Variants in TTC6 observed in about 807,000 individuals in gnomAD.
TTC6 encodes the protein tetratricopeptide repeat protein 6.
A neutral mutation model predicts 210.4 loss-of-function variants in TTC6; 172 were observed. The ratio of observed to expected loss-of-function variants is 0.82; its 90% CI spans 0.72 to 0.93. The LOEUF (loss-of-function observed/expected upper bound fraction) is 0.93, where lower values mean the gene tolerates loss of function less well. TTC6 is among the 40% of genes least tolerant of loss of function. The pLI is 0.00. For missense variants in TTC6, 2,414 were observed against 2,318.1 expected, an observed-to-expected ratio of 1.04 and a Z score of -0.85; for synonymous variants, 804 against 819.6, an observed-to-expected ratio of 0.98 and a Z score of 0.32.
intron 15 of TTC6, 34 bp downstream of exon 17, chr14:37,787,671 C>G: frequency 2.9e-6 from 4 of 1,388,902 alleles, no homozygotes; most frequent in Non-Finnish European, 3.8e-6. Context: ...ATATAGCAAC[C>G]CAATCTGAGA....
intron 1 of TTC6, among the ~76,000 whole-genome samples, chr14:37,633,084 G>A (rs1175759993): frequency 1.3e-5 from 2 of 152,164 alleles, no homozygotes; most frequent in Non-Finnish European, 2.9e-5. Flanking sequence ...TCCACTGAGC[G>A]AGACCACTTG....
At chr14:37,830,764 A>G (rs1049209278) in intron 29 of TTC6, among the ~76,000 whole-genome samples, 1 of 151,344 alleles carries the variant, frequency 6.6e-6, no homozygotes, top group South Asian at 2.1e-4. Context: ...TTTTAAATGA[A>G]TTTTTTTCAA....
chr14:37,689,455 C>A (rs1048603783), intron 3 of TTC6, among the ~76,000 whole-genome samples: 1 of 151,994 alleles, frequency 6.6e-6, no homozygotes, highest in Non-Finnish European at 1.5e-5. Flanking sequence ...ATATCACTAT[C>A]CAAGTACAAG....
chr14:37,601,165 C>T (rs1224554160), intron 1 of TTC6, among the ~76,000 whole-genome samples: 1 of 152,212 alleles, frequency 6.6e-6, no homozygotes, highest in Admixed American at 6.5e-5. Context: ...CTCCTGGAGT[C>T]CCTGTTAAAA....
intron 14 of TTC6, among the ~76,000 whole-genome samples, chr14:37,768,102 G>T (rs1431982851): frequency 2.0e-5 from 3 of 151,210 alleles, no homozygotes; most frequent in African/African-American, 4.8e-5. Flanking sequence ...TCAAAGATGA[G>T]ATAGTTGTAG....
intron 3 of TTC6, among the ~76,000 whole-genome samples, chr14:37,684,466 G>C (rs1050855408): frequency 6.6e-6 from 1 of 152,146 alleles, no homozygotes; most frequent in African/African-American, 2.4e-5. Flanking sequence ...CATGCATTTG[G>C]ATGTTTCTAA....
chr14:37,792,895 T>A (rs1043129502), intron 17 of TTC6, among the ~76,000 whole-genome samples: 4 of 152,022 alleles, frequency 2.6e-5, no homozygotes, highest in Admixed American at 2.6e-4. Flanking sequence ...TTACTTTTAA[T>A]TTTGTTTAAG....
chr14:37,610,512 C>G (rs1275049381), intron 2 of TTC6, among the ~76,000 whole-genome samples: 2 of 152,172 alleles, frequency 1.3e-5, no homozygotes, highest in Non-Finnish European at 2.9e-5. Context: ...ACTATATTAT[C>G]TAATTGGTTT....
intron 23 of TTC6, among the ~76,000 whole-genome samples, chr14:37,808,168 T>C (rs560151382): frequency 1.1e-4 from 17 of 152,316 alleles, no homozygotes; most frequent in African/African-American, 4.1e-4. Flanking sequence ...CTGATCTTTC[T>C]TTGTAGCTAT....
At chr14:37,763,051 A>AT (rs369226483) in intron 14 of TTC6, among the ~76,000 whole-genome samples, 40,571 of 145,560 alleles carry the variant, frequency 0.28, 5,501 homozygotes, top group South Asian at 0.3. Context: ...CACCCGCCTA[A>AT]TTTTTTTTTT....
intron 29 of TTC6, among the ~76,000 whole-genome samples, chr14:37,832,491 A>G (rs893512263): frequency 2.6e-5 from 4 of 151,730 alleles, no homozygotes; most frequent in African/African-American, 7.3e-5. Context: ...GCTGCATGTC[A>G]TAGGTTTTGG....
At chr14:37,663,117 G>A (rs982312290) in intron 1 of TTC6, among the ~76,000 whole-genome samples, 2 of 152,092 alleles carry the variant, frequency 1.3e-5, no homozygotes, top group African/African-American at 4.8e-5. Context: ...TCCCTGGTTA[G>A]CTGTATTCCT....
exon 11 of TTC6, chr14:37,749,207 C>A: frequency 6.5e-7 from 1 of 1,530,804 alleles, no homozygotes; most frequent in South Asian, 1.2e-5. Flanking sequence ...GAAAGAACCA[C>A]CAAAACTAAA....
rs1029614232 is a variant in TTC6, at chr14:37,682,792, G to A, written c.1085G>A (p.Ser362Asn). ...AAGGAACTTTCTGAAACCATGTCAA[G>A]TATTCTCCAGATTGAACAAGAGGAT... Residue 362 changes from serine to asparagine, a missense_variant, in exon 3 of 31, where the codon AGT becomes AAT. Coordinates refer to ENST00000553443, the Ensembl canonical transcript of TTC6. 6 of 1,535,582 alleles carry A rather than the reference G, an allele frequency of 3.9e-6. No individual in the cohort carries two copies. The East Asian group carries it at 7.3e-5, about 19-fold the overall frequency.
At chr14:37,798,323 T>C (rs566723113) in intron 20 of TTC6, among the ~76,000 whole-genome samples, 1 of 152,080 alleles carries the variant, frequency 6.6e-6, no homozygotes, top group South Asian at 2.1e-4. Flanking sequence ...AGATTTTACA[T>C]ATCCATTGCT....
At position 37,807,748 on chromosome 14, in the gene TTC6, A is replaced by T. The variant is rs181774790; in HGVS notation, c.4455+288A>T. 1.1e-3 allele frequency among the ~76,000 whole-genome samples: 161 copies of T among 152,222 alleles called. 1 individual carries two copies. Among genetic ancestry groups the T allele is most frequent in the African/African-American group, 3.6e-3 (150 of 41,546 alleles). On this transcript the variant is annotated intron_variant, in intron 23 of 30. Transcript: ENST00000553443. ...GGAAAAATATGGAAGGGAATAAAGG[A>T]TTATTATCTCACCATCAATGATAAT...
chr14:37,787,429 A>G (rs1285335199), intron 14 of TTC6, 39 bp from the exon 17 acceptor site: 2 of 1,330,264 alleles, frequency 1.5e-6, no homozygotes, highest in Admixed American at 2.5e-5. Context: ...GAAAATGTAT[A>G]CTTTACAGTA....
chr14:37,604,931 T>A (rs1486442255), intron 1 of TTC6, among the ~76,000 whole-genome samples: 1 of 152,222 alleles, frequency 6.6e-6, no homozygotes, highest in Non-Finnish European at 1.5e-5. Flanking sequence ...CTTTAGTTGC[T>A]CTCTTCAAAA....
At chr14:37,797,687 A>T (rs1209732613) in intron 20 of TTC6, among the ~76,000 whole-genome samples, 1 of 151,938 alleles carries the variant, frequency 6.6e-6, no homozygotes, top group Non-Finnish European at 1.5e-5. Flanking sequence ...AAAATTTGTC[A>T]TCAGGGCGTC....
Sources: allele counts gnomAD v4.1 joint callset (sites outside exome capture counted in the v4.1 genomes callset), GRCh38; gene constraint gnomAD v4.1.1; transcripts MANE v1.5; gene names NCBI Gene and HGNC (gene_info 2026-07-23, HGNC 2026-07-21).